The following RIGI variants were observed in gnomAD, a reference collection of about 807,000 sequenced individuals.
RIGI encodes RNA sensor RIG-I, also known as antiviral innate immune response receptor RIG-I.
At chr9:32,502,163 T>C in the RIGI span, among the ~76,000 whole-genome samples, 5 of 152,330 alleles carry the variant, frequency 3.3e-5, no homozygotes, top group South Asian at 1.0e-3. Context: ...GTTTTTAAGG[T>C]TTAACCATGT....
At chr9:32,462,404 C>CTTTTTTTT in the RIGI span, among the ~76,000 whole-genome samples, 2 of 85,924 alleles carry the variant, frequency 2.3e-5, no homozygotes, top group African/African-American at 9.0e-5. Context: ...TTAGATCTAG[C>CTTTTTTTT]TTTTTTTTTT....
the RIGI span, among the ~76,000 whole-genome samples, chr9:32,509,431 G>A: frequency 6.6e-6 from 1 of 152,212 alleles, no homozygotes; most frequent in East Asian, 1.9e-4. Flanking sequence ...CTGTTCTGCA[G>A]CCTCCACTGG....
chr9:32,509,828 C>T, the RIGI span, among the ~76,000 whole-genome samples: 1 of 151,982 alleles, frequency 6.6e-6, no homozygotes, highest in African/African-American at 2.4e-5. Context: ...TGCAAGGAAG[C>T]TACAAACCTT....
At chr9:32,472,962 TA>T in the RIGI span, 17 of 1,589,178 alleles carry the variant, frequency 1.1e-5, no homozygotes, top group East Asian at 3.6e-4. Flanking sequence ...TCTAATTCAC[TA>T]TATATAAATA....
At chr9:32,514,043 TATA>T in the RIGI span, among the ~76,000 whole-genome samples, 1 of 152,182 alleles carries the variant, frequency 6.6e-6, no homozygotes, top group South Asian at 2.1e-4. Flanking sequence ...TCATGCCAGT[TATA>T]ATGGCAATCA....
At chr9:32,492,091 C>A in the RIGI span, among the ~76,000 whole-genome samples, 1 of 152,216 alleles carries the variant, frequency 6.6e-6, no homozygotes, top group African/African-American at 2.4e-5. Context: ...CAAGCTATTT[C>A]TCTGATAATC....
chr9:32,525,960 T>C, the RIGI span: 1 of 929,502 alleles, frequency 1.1e-6, no homozygotes, highest in Non-Finnish European at 1.7e-6. Flanking sequence ...ACCTGGGGAG[T>C]CTGGCAGGCT....
the RIGI span, among the ~76,000 whole-genome samples, chr9:32,461,972 A>G: frequency 6.6e-6 from 1 of 152,172 alleles, no homozygotes; most frequent in African/African-American, 2.4e-5. Flanking sequence ...ATTCAAGAGC[A>G]TGGCATTTCT....
At chr9:32,517,055 T>C in the RIGI span, among the ~76,000 whole-genome samples, 4 of 152,230 alleles carry the variant, frequency 2.6e-5, no homozygotes, top group Admixed American at 1.3e-4. Context: ...GAGTTGGCTG[T>C]TGAATGGGAA....
At chr9:32,508,158 G>A in the RIGI span, among the ~76,000 whole-genome samples, 1 of 148,840 alleles carries the variant, frequency 6.7e-6, no homozygotes, top group Non-Finnish European at 1.5e-5. Context: ...TTTGAGGCAA[G>A]GGATTTAACT....
chr9:32,468,015 C>T, the RIGI span: 35 of 1,292,286 alleles, frequency 2.7e-5, no homozygotes, highest in African/African-American at 5.0e-4. Flanking sequence ...TTATGGAATG[C>T]TTATTATATG....
At chr9:32,511,628 G>C in the RIGI span, among the ~76,000 whole-genome samples, 1 of 151,766 alleles carries the variant, frequency 6.6e-6, no homozygotes, top group East Asian at 1.9e-4. Flanking sequence ...AGGAGAAAGA[G>C]GGAAAGATCT....
chr9:32,490,005 T>C, the RIGI span, among the ~76,000 whole-genome samples: 1 of 152,224 alleles, frequency 6.6e-6, no homozygotes, highest in African/African-American at 2.4e-5. Context: ...CTTTGGAAAT[T>C]ATCTACTGAG....
chr9:32,499,788 T>C, the RIGI span, among the ~76,000 whole-genome samples: 1 of 150,686 alleles, frequency 6.6e-6, no homozygotes, highest in Non-Finnish European at 1.5e-5. Context: ...GGGGTCTCCC[T>C]ATGTTGCCCA....
chr9:32,485,431 G>T, the RIGI span: 1 of 650,526 alleles, frequency 1.5e-6, no homozygotes, highest in African/African-American at 1.8e-5. Flanking sequence ...ACTGGCAGGT[G>T]GTCCAGATGA....
At chr9:32,504,026 A>G in the RIGI span, among the ~76,000 whole-genome samples, 1 of 59,436 alleles carries the variant, frequency 1.7e-5, no homozygotes, top group East Asian at 2.8e-4. Context: ...TGGGTAATAG[A>G]GCAAGACTCC....
chr9:32,461,021 G>GA, the RIGI span, among the ~76,000 whole-genome samples: 2 of 132,138 alleles, frequency 1.5e-5, no homozygotes, highest in African/African-American at 5.8e-5. Context: ...GAAAACTGAA[G>GA]AAAAAAATCT....
chr9:32,487,828 T>G, the RIGI span: 2 of 1,344,358 alleles, frequency 1.5e-6, no homozygotes, highest in South Asian at 1.4e-5. Flanking sequence ...CATAATGAGT[T>G]GTACAATATG....
At chr9:32,500,025 G>A in the RIGI span, among the ~76,000 whole-genome samples, 2 of 152,122 alleles carry the variant, frequency 1.3e-5, no homozygotes, top group Non-Finnish European at 2.9e-5. Flanking sequence ...AATATATCAG[G>A]TTTCCATAAA....
Sources: allele counts gnomAD v4.1 joint callset (sites outside exome capture counted in the v4.1 genomes callset), GRCh38; gene constraint gnomAD v4.1.1; transcripts MANE v1.5; gene names NCBI Gene and HGNC (gene_info 2026-07-23, HGNC 2026-07-21).